The following CAST variants were observed in gnomAD, a reference collection of about 807,000 sequenced individuals.
CAST encodes the protein MIR583 host.
A neutral mutation model predicts 119.6 loss-of-function variants in CAST; 76 were observed. The ratio of observed to expected loss-of-function variants is 0.64; its 90% CI spans 0.53 to 0.77. The LOEUF is 0.77. Ranked by LOEUF, CAST falls within the 30% of genes least tolerant of loss-of-function variation. CAST has a pLI of 0.00. For synonymous variants in CAST, 319 were observed against 331.6 expected, an observed-to-expected ratio of 0.96 and a Z score of 0.41; for missense variants, 953 against 946.5, an observed-to-expected ratio of 1.01 and a Z score of -0.09.
chr5:96,503,151 A>G, the CAST span, among the ~76,000 whole-genome samples: 1 of 152,204 alleles, frequency 6.6e-6, no homozygotes, highest in African/African-American at 2.4e-5. Flanking sequence ...TAGAAATGTA[A>G]AAACTGGTAT....
the CAST span, among the ~76,000 whole-genome samples, chr5:96,181,567 A>G: frequency 6.6e-6 from 1 of 152,222 alleles, no homozygotes; most frequent in Admixed American, 6.5e-5. Context: ...TGCTTCTCAG[A>G]AGGAGACAAC....
rs569191853 is a variant in CAST at position 96,606,941 on chromosome 5, G to A, written c.61-68598G>A. On this transcript the variant is annotated intron_variant, in intron 1 of 11. Transcript: ENST00000505143. ...ATCAGAAACTCTGGGAATAAGGCCCGCAATCTGTGTTTTTAAAAGCCCCCA... is the reference window on the plus strand; with the variant it reads ...ATCAGAAACTCTGGGAATAAGGCCCACAATCTGTGTTTTTAAAAGCCCCCA... Among the ~76,000 whole-genome samples, 38 of 152,304 alleles carry A rather than the reference G, an allele frequency of 2.5e-4. No individual in the cohort carries two copies. The East Asian group carries it at 6.7e-3, about 27-fold the overall frequency.
At chr5:95,999,509 C>T in the CAST span, among the ~76,000 whole-genome samples, 1 of 152,014 alleles carries the variant, frequency 6.6e-6, no homozygotes, top group South Asian at 2.1e-4. Context: ...GTCACTACAC[C>T]TCGCTAATTT....
chr5:96,431,971 T>C, the CAST span: 4 of 734,106 alleles, frequency 5.4e-6, no homozygotes, highest in Admixed American at 6.0e-5. Flanking sequence ...CTATAAGCAG[T>C]CTCCCACTTA....
chr5:95,975,370 C>G, the CAST span, among the ~76,000 whole-genome samples: 1 of 152,128 alleles, frequency 6.6e-6, no homozygotes, highest in Admixed American at 6.5e-5. Context: ...GGCCCCAGCC[C>G]TCAGAGGTTT....
At chr5:96,564,854 A>G (rs936433734) in intron 1 of CAST, among the ~76,000 whole-genome samples, 7 of 152,132 alleles carry the variant, frequency 4.6e-5, no homozygotes, top group African/African-American at 1.4e-4. Flanking sequence ...GGCTGCAGTG[A>G]GCTGTGATTG....
chr5:96,612,623 C>T (rs1561430139), intron 1 of CAST, among the ~76,000 whole-genome samples: 4 of 152,036 alleles, frequency 2.6e-5, no homozygotes, highest in South Asian at 4.1e-4. Context: ...GCACTTGTAC[C>T]GGTTTAAAGA....
At chr5:96,392,887 C>G in the CAST span, 1 of 1,080,882 alleles carries the variant, frequency 9.3e-7, no homozygotes, top group Non-Finnish European at 1.4e-6. Context: ...AAAGGTGCCA[C>G]AAAGGATATT....
chr5:96,432,284 A>G, the CAST span: 1 of 669,808 alleles, frequency 1.5e-6, no homozygotes, highest in African/African-American at 1.8e-5. Context: ...TTCCCAGGCT[A>G]CTCCGCGGCC....
At chr5:96,635,665 G>T (rs1408370364) in intron 1 of CAST, among the ~76,000 whole-genome samples, 2 of 152,186 alleles carry the variant, frequency 1.3e-5, no homozygotes, top group Admixed American at 1.3e-4. Context: ...CTGTGCATTT[G>T]TTCTGTCCTA....
the CAST span, chr5:96,412,375 T>C: frequency 6.2e-7 from 1 of 1,614,158 alleles, no homozygotes; most frequent in South Asian, 1.1e-5. Flanking sequence ...CCTCCACAGT[T>C]TTCCCATCAT....
At chr5:96,495,221 T>C in the CAST span, among the ~76,000 whole-genome samples, 1 of 152,148 alleles carries the variant, frequency 6.6e-6, no homozygotes, top group Non-Finnish European at 1.5e-5. Flanking sequence ...ATAAGTGACT[T>C]GTAATACTGT....
the CAST span, among the ~76,000 whole-genome samples, chr5:96,222,916 A>G: frequency 1.3e-5 from 2 of 152,198 alleles, no homozygotes; most frequent in South Asian, 4.1e-4. Flanking sequence ...ATAATTGAAT[A>G]CTATTCAGCC....
chr5:95,997,491 G>C, the CAST span, among the ~76,000 whole-genome samples: 1 of 152,118 alleles, frequency 6.6e-6, no homozygotes, highest in African/African-American at 2.4e-5. Context: ...TCTGCTCTTT[G>C]TCTGCCCAAG....
chr5:96,447,134 G>A, the CAST span, among the ~76,000 whole-genome samples: 2 of 152,210 alleles, frequency 1.3e-5, no homozygotes, highest in Middle Eastern at 3.2e-3. Context: ...GATAGGTGCT[G>A]CACAGCATGG....
At chr5:96,127,064 A>G in the CAST span, among the ~76,000 whole-genome samples, 1 of 152,136 alleles carries the variant, frequency 6.6e-6, no homozygotes, top group Non-Finnish European at 1.5e-5. Context: ...GAACAGCTCA[A>G]TGTCCAAGGA....
At chr5:96,467,402 CT>C in the CAST span, among the ~76,000 whole-genome samples, 1 of 152,022 alleles carries the variant, frequency 6.6e-6, no homozygotes, top group African/African-American at 2.4e-5. Context: ...AAGACTTCCC[CT>C]ATACTGAGAT....
At chr5:96,397,119 T>C in the CAST span, among the ~76,000 whole-genome samples, 1 of 152,196 alleles carries the variant, frequency 6.6e-6, no homozygotes, top group Non-Finnish European at 1.5e-5. Flanking sequence ...TAAGTGTTTT[T>C]CCCCCTCTTA....
chr5:96,613,377 A>G (rs1436360853), intron 1 of CAST, among the ~76,000 whole-genome samples: 2 of 152,096 alleles, frequency 1.3e-5, no homozygotes, highest in Non-Finnish European at 2.9e-5. Flanking sequence ...TACTTTTTTC[A>G]TATTTGCACA....
Sources: allele counts gnomAD v4.1 joint callset (sites outside exome capture counted in the v4.1 genomes callset), GRCh38; gene constraint gnomAD v4.1.1; transcripts MANE v1.5; gene names NCBI Gene and HGNC (gene_info 2026-07-23, HGNC 2026-07-21).